COL19A1: variants seen among roughly 807,000 people sequenced by gnomAD.
COL19A1 encodes the protein collagen type XIX alpha 1 chain.
A neutral mutation model predicts 190.2 loss-of-function variants in COL19A1; 159 were observed. The ratio of observed to expected loss-of-function variants is 0.84; its 90% CI spans 0.73 to 0.95. The LOEUF (loss-of-function observed/expected upper bound fraction) is 0.95, where lower values mean the gene tolerates loss of function less well. Among genes scored for constraint, COL19A1 ranks in the 40% least tolerant of loss-of-function variants. The pLI, the probability that COL19A1 is intolerant of heterozygous loss-of-function variation, is 0.00. For missense variants in COL19A1, 1,418 were observed against 1,431.9 expected, an observed-to-expected ratio of 0.99 and a Z score of 0.16; for synonymous variants, 509 against 458.9, an observed-to-expected ratio of 1.11 and a Z score of -1.39.
intron 14 of COL19A1, among the ~76,000 whole-genome samples, chr6:70,055,219 G>A (rs1780424233): frequency 6.6e-6 from 1 of 152,150 alleles, no homozygotes; most frequent in Non-Finnish European, 1.5e-5. Flanking sequence ...AAGTTTGATA[G>A]TACACTATGT....
At chr6:70,111,365 A>G (rs1470962879) in intron 16 of COL19A1, among the ~76,000 whole-genome samples, 1 of 152,200 alleles carries the variant, frequency 6.6e-6, no homozygotes, top group Admixed American at 6.5e-5. Context: ...TAAAACATGG[A>G]AGAAAAGTTG....
chr6:69,941,057 G>A (rs564094631), intron 9 of COL19A1, among the ~76,000 whole-genome samples: 19 of 152,294 alleles, frequency 1.2e-4, no homozygotes, highest in African/African-American at 4.6e-4. Flanking sequence ...GGCATATTCA[G>A]TAGTAAATTT....
rs760490275 is a variant in COL19A1, at chr6:70,059,746, T to A, written c.1171-8677T>A. On this transcript the variant is annotated intron_variant, in intron 14 of 50. Transcript: ENST00000620364. Reference sequence around the variant, plus strand: ...GAATACCTATGTAGACCTATGCAGATGTTTACCTTGTGAAAATGCTAAATC... The same window carrying A: ...GAATACCTATGTAGACCTATGCAGAAGTTTACCTTGTGAAAATGCTAAATC... 1.9e-5 allele frequency: 10 copies of A among 526,686 alleles called. No homozygotes were observed. In the Admixed American group the frequency reaches 2.0e-4, roughly 10 times the overall value. The allele number at this position is 526,686 out of a possible 1,614,324, so 32.6% of individuals were successfully genotyped here.
intron 14 of COL19A1, among the ~76,000 whole-genome samples, chr6:70,065,450 A>C (rs138474370): frequency 0.053 from 8,115 of 152,264 alleles, 706 homozygotes; most frequent in African/African-American, 0.19. Flanking sequence ...CTTACATAAA[A>C]ATTAATTCAA....
chr6:69,869,589 C>T (rs1163901742), intron 1 of COL19A1, among the ~76,000 whole-genome samples: 2 of 151,766 alleles, frequency 1.3e-5, no homozygotes, highest in South Asian at 2.1e-4. Flanking sequence ...TTTGAAAATA[C>T]GGCCATATAT....
At chr6:69,893,001 C>T (rs1265803590) in intron 2 of COL19A1, among the ~76,000 whole-genome samples, 3 of 152,184 alleles carry the variant, frequency 2.0e-5, no homozygotes, top group African/African-American at 4.8e-5. Context: ...GAGAAACAAA[C>T]GTGCTACAAA....
chr6:69,965,379 C>T (rs1294104153), intron 11 of COL19A1, among the ~76,000 whole-genome samples: 1 of 152,162 alleles, frequency 6.6e-6, no homozygotes, highest in Non-Finnish European at 1.5e-5. Flanking sequence ...GGTGACATTT[C>T]TATAATGCAG....
At chr6:69,919,881 A>G (rs1370979736) in intron 4 of COL19A1, among the ~76,000 whole-genome samples, 1 of 152,226 alleles carries the variant, frequency 6.6e-6, no homozygotes, top group East Asian at 1.9e-4. Flanking sequence ...AGACTTTTGC[A>G]ACTTAATTTT....
chr6:69,983,662 T>TACTATTCAAATATTGAAC (rs2150067595), intron 11 of COL19A1, among the ~76,000 whole-genome samples: 1 of 152,250 alleles, frequency 6.6e-6, no homozygotes, highest in Non-Finnish European at 1.5e-5. Context: ...TTTCTTTGAA[T>TACTATTCAAATATTGAAC]ACTATTCAAA....
chr6:69,942,263 G>T (rs542779448), intron 9 of COL19A1, among the ~76,000 whole-genome samples: 3 of 152,016 alleles, frequency 2.0e-5, no homozygotes, highest in African/African-American at 7.2e-5. Flanking sequence ...ACAATTATAC[G>T]TATTTATGGA....
At chr6:69,912,944 C>A (rs1771054274) in intron 4 of COL19A1, among the ~76,000 whole-genome samples, 2 of 152,000 alleles carry the variant, frequency 1.3e-5, no homozygotes, top group South Asian at 4.1e-4. Flanking sequence ...AAAAGTTAGC[C>A]AGGTATGGTG....
chr6:70,046,395 C>G lies in COL19A1; in HGVS notation c.1170+10456C>G, dbSNP rs141810750. Among the ~76,000 whole-genome samples, 507 of 152,302 alleles carry G rather than the reference C, an allele frequency of 3.3e-3. 2 individuals carry two copies. The highest frequency in any genetic ancestry group is 0.023 in the South Asian group (112 of 4,832). On this transcript the variant is annotated intron_variant, in intron 14 of 50. Transcript: ENST00000620364. Reference sequence around the variant, plus strand: ...AATTAAATAAAACCCAAATTCCATACAATGGCCTACAAAGTCTTACAGGAT... The same window carrying G: ...AATTAAATAAAACCCAAATTCCATAGAATGGCCTACAAAGTCTTACAGGAT...
intron 7 of COL19A1, among the ~76,000 whole-genome samples, chr6:69,935,445 G>A (rs1773034011): frequency 6.6e-6 from 1 of 152,088 alleles, no homozygotes; most frequent in Non-Finnish European, 1.5e-5. Context: ...GGAAAGCCAT[G>A]AGGTAAGAAC....
chr6:70,188,681 T>C (rs1210063870), intron 47 of COL19A1, among the ~76,000 whole-genome samples: 1 of 141,038 alleles, frequency 7.1e-6, no homozygotes. Flanking sequence ...TACTCTATTT[T>C]GTTGAATATC....
At chr6:70,198,991 G>C (rs946445390) in intron 48 of COL19A1, among the ~76,000 whole-genome samples, 1 of 152,120 alleles carries the variant, frequency 6.6e-6, no homozygotes. Context: ...GGACTTCTTG[G>C]GTGACCTCAC....
chr6:70,168,322 AGC>A, intron 39 of COL19A1, 107 bp downstream of exon 39: 1 of 1,149,912 alleles, frequency 8.7e-7, no homozygotes, highest in Non-Finnish European at 1.3e-6. Context: ...TTATGAATAC[AGC>A]CAAATTTTAC....
At chr6:69,895,053 T>C (rs1582311330) in intron 2 of COL19A1, among the ~76,000 whole-genome samples, 1 of 152,230 alleles carries the variant, frequency 6.6e-6, no homozygotes, top group East Asian at 1.9e-4. Flanking sequence ...GCTTAATTAC[T>C]GTCCAAAAGA....
intron 46 of COL19A1, among the ~76,000 whole-genome samples, chr6:70,186,742 GCACA>G (rs1166304283): frequency 9.9e-5 from 15 of 151,736 alleles, no homozygotes; most frequent in Non-Finnish European, 8.8e-5. Context: ...ATTCTCTCTT[GCACA>G]AACACATACA....
At chr6:69,869,978 C>A (rs1292447070) in intron 1 of COL19A1, among the ~76,000 whole-genome samples, 3 of 152,140 alleles carry the variant, frequency 2.0e-5, no homozygotes, top group Admixed American at 6.5e-5. Context: ...AGGCAGAGAG[C>A]AACTTCAATA....
Sources: gnomAD v4.1 joint callset for allele counts (sites outside exome capture counted in the v4.1 genomes callset) on GRCh38, gnomAD v4.1.1 for gene constraint, MANE v1.5 for transcripts, NCBI Gene and HGNC (gene_info 2026-07-23, HGNC 2026-07-21) for gene names.